TBC1D1: variants seen among roughly 807,000 people sequenced by gnomAD.
The protein encoded by TBC1D1 is TBC1 (tre-2/USP6, BUB2, cdc16) domain family, member 1.
TBC1D1 carries 89 observed loss-of-function variants against 125.6 expected under a neutral mutation model. The observed-to-expected ratio is 0.71, with a 90% CI of 0.60 to 0.85. The LOEUF is 0.85. Ranked by LOEUF, TBC1D1 falls within the 40% of genes least tolerant of loss-of-function variation. The pLI, the probability that TBC1D1 is intolerant of heterozygous loss-of-function variation, is 0.00. For synonymous variants in TBC1D1, 565 were observed against 564.1 expected (o/e 1.00, Z -0.02); for missense variants, 1,377 against 1,469.2 (o/e 0.94, Z 1.03).
intron 2 of TBC1D1, among the ~76,000 whole-genome samples, chr4:37,999,528 G>C (rs1407434476): frequency 6.6e-6 from 1 of 152,150 alleles, no homozygotes; most frequent in African/African-American, 2.4e-5. Flanking sequence ...CCAGCGCGTG[G>C]TGTAGGGGAA....
Position 38,021,707 on chromosome 4 carries a change from AGAG to A in TBC1D1, c.1202_1204del (p.Arg401del). On this transcript the variant is annotated inframe_deletion, in exon 6 of 20. Coordinates refer to ENST00000261439, the MANE Select transcript of TBC1D1 (RefSeq NM_015173.4). ...CTGCAAAGCCTGCACAAGCTCTGTG[AGAG>A]GATAGAGGGTGAGTAGGGGACCCTT... 6.3e-7 allele frequency: 1 copy of A among 1,581,794 alleles called. No homozygotes were observed. Among genetic ancestry groups the A allele is most frequent in the Non-Finnish European group, 8.6e-7 (1 of 1,165,262 alleles).
At chr4:38,043,202 G>A (rs1414488161) in intron 8 of TBC1D1, among the ~76,000 whole-genome samples, 5 of 150,300 alleles carry the variant, frequency 3.3e-5, no homozygotes, top group Non-Finnish European at 5.9e-5. Context: ...GCGCCTGGCC[G>A]TTTTTTTTTC....
At chr4:38,107,545 T>C (rs1038336780) in intron 15 of TBC1D1, among the ~76,000 whole-genome samples, 3 of 151,394 alleles carry the variant, frequency 2.0e-5, no homozygotes, top group Non-Finnish European at 4.4e-5. Flanking sequence ...CCTCTTGTTA[T>C]ACTTTCTGAA....
chr4:38,062,778 C>T (rs543739620), intron 12 of TBC1D1, among the ~76,000 whole-genome samples: 5 of 152,252 alleles, frequency 3.3e-5, no homozygotes, highest in South Asian at 4.2e-4. Flanking sequence ...AGTGAACCTC[C>T]GGCGTTTAAA....
intron 2 of TBC1D1, among the ~76,000 whole-genome samples, chr4:37,954,966 A>G (rs1728651420): frequency 7.5e-6 from 1 of 133,736 alleles, no homozygotes; most frequent in South Asian, 2.5e-4. Context: ...ATCTTGGCTC[A>G]CTTAGCAGTA....
At chr4:37,929,419 G>A (rs574231492) in intron 2 of TBC1D1, among the ~76,000 whole-genome samples, 1 of 152,336 alleles carries the variant, frequency 6.6e-6, no homozygotes, top group South Asian at 2.1e-4. Context: ...AGCAACCGCT[G>A]TACTCCCCAT....
intron 15 of TBC1D1, among the ~76,000 whole-genome samples, chr4:38,107,577 G>GTTTCTTTT (rs1761528335): frequency 5.6e-5 from 3 of 53,102 alleles, no homozygotes; most frequent in Non-Finnish European, 9.4e-5. Context: ...GTCTAAACAG[G>GTTTCTTTT]TTTTTTTTTT....
At chr4:37,937,193 C>A (rs934908919) in intron 2 of TBC1D1, among the ~76,000 whole-genome samples, 1 of 152,162 alleles carries the variant, frequency 6.6e-6, no homozygotes, top group Non-Finnish European at 1.5e-5. Flanking sequence ...ATTATTCCTT[C>A]GAGACTGAGA....
Position 38,066,692 on chromosome 4 carries a change from C to G in TBC1D1, c.2050+12354C>G, listed in dbSNP as rs533587283. On this transcript the variant is annotated intron_variant, in intron 12 of 19. Coordinates refer to ENST00000261439, the MANE Select transcript of TBC1D1 (RefSeq NM_015173.4). ...GAGGTGGCAAAGCTATGCATGCCCC[C>G]CCTGGAGGGGAGCTGGGGGCTCTGG... 2.6e-5 allele frequency among the ~76,000 whole-genome samples: 4 copies of G among 152,246 alleles called. No individual in the cohort carries two copies. In the East Asian group the frequency reaches 5.8e-4, roughly 22 times the overall value.
chr4:38,119,792 A>G (rs896458770), intron 17 of TBC1D1, among the ~76,000 whole-genome samples: 7 of 152,240 alleles, frequency 4.6e-5, no homozygotes, highest in African/African-American at 1.7e-4. Context: ...AATGGTTTGT[A>G]AACAGCTCAG....
intron 2 of TBC1D1, among the ~76,000 whole-genome samples, chr4:37,958,775 T>C (rs4525987): frequency 0.63 from 95,585 of 152,086 alleles, 30,892 homozygotes; most frequent in East Asian, 0.96. Context: ...GCTAATGGTA[T>C]AATGAGACAG....
intron 2 of TBC1D1, among the ~76,000 whole-genome samples, chr4:37,985,785 G>A (rs993457108): frequency 6.6e-6 from 1 of 152,158 alleles, no homozygotes; most frequent in African/African-American, 2.4e-5. Flanking sequence ...GCAGTCTAAT[G>A]GGGAGAGGGA....
At chr4:38,052,335 GTT>G (rs66650664) in intron 11 of TBC1D1, among the ~76,000 whole-genome samples, 19 of 141,150 alleles carry the variant, frequency 1.3e-4, no homozygotes, top group Admixed American at 1.4e-4. Context: ...GTTTGTGTTT[GTT>G]TTTTTTTTTT....
intron 15 of TBC1D1, chr4:38,110,822 C>T (rs1762080261): frequency 1.0e-5 from 10 of 985,482 alleles, no homozygotes; most frequent in African/African-American, 1.7e-5. Context: ...CAGCTTCCCT[C>T]GAGTTTGGCA....
intron 18 of TBC1D1, among the ~76,000 whole-genome samples, chr4:38,132,004 T>A (rs1765663114): frequency 6.6e-6 from 1 of 152,232 alleles, no homozygotes; most frequent in South Asian, 2.1e-4. Flanking sequence ...AACATGGTTT[T>A]TGAAAATTGA....
intron 6 of TBC1D1, 134 bp downstream of exon 6, chr4:38,021,852 CTCAG>C (rs1744108991): frequency 9.6e-6 from 10 of 1,038,840 alleles, no homozygotes; most frequent in Middle Eastern, 3.2e-4. Flanking sequence ...TAGGTGGACT[CTCAG>C]TGTGCAGTGG....
chr4:37,946,138 A>G (rs990442912), intron 2 of TBC1D1, among the ~76,000 whole-genome samples: 1 of 152,226 alleles, frequency 6.6e-6, no homozygotes, highest in Admixed American at 6.5e-5. Flanking sequence ...ATTAAATTTA[A>G]TTTTCTCTTG....
At chr4:38,116,000 T>A in intron 16 of TBC1D1, 46 bp downstream of exon 18, 1 of 1,597,560 alleles carries the variant, frequency 6.3e-7, no homozygotes. Flanking sequence ...ATGCTAAGAA[T>A]GTTTCTTATC....
At chr4:38,127,782 C>A (rs1219368189) in intron 18 of TBC1D1, among the ~76,000 whole-genome samples, 2 of 152,130 alleles carry the variant, frequency 1.3e-5, no homozygotes, top group Non-Finnish European at 2.9e-5. Flanking sequence ...TGTAGAAAGG[C>A]AGGGTCTGTG....
Sources: gnomAD v4.1 joint callset for allele counts (sites outside exome capture counted in the v4.1 genomes callset) on GRCh38, gnomAD v4.1.1 for gene constraint, MANE v1.5 for transcripts, NCBI Gene and HGNC (gene_info 2026-07-23, HGNC 2026-07-21) for gene names.